The following ZNF281 variants were observed in gnomAD, a reference collection of about 807,000 sequenced individuals.
ZNF281 encodes zinc finger protein 281, also known as GC-box-binding zinc finger protein 1.
Under a neutral mutation model 58.8 loss-of-function variants are expected in ZNF281, and 2 were observed. The observed-to-expected ratio is 0.03, with a 90% CI of 0.01 to 0.11. ZNF281 has a LOEUF of 0.11. ZNF281 is among the 10% of genes least tolerant of loss of function. ZNF281 has a pLI of 1.00. For missense variants in ZNF281, 975 were observed against 1,090.7 expected (o/e 0.89, Z 1.49); for synonymous variants, 465 against 407.7 (o/e 1.14, Z -1.69).
rs966890720 is a variant in ZNF281 at position 200,408,057 on chromosome 1, T to C, written c.1649A>G (p.Asn550Ser). 1 of 1,614,220 alleles carries C rather than the reference T, an allele frequency of 6.2e-7. No individual in the cohort carries two copies. The highest frequency in any genetic ancestry group is 2.2e-5 in the East Asian group (1 of 44,888). ...KRRYLPTASSNSAFSINVGHM... is the reference protein window; with the variant it reads ...KRRYLPTASSSSAFSINVGHM... ...TCCTACGTTTATAGAAAAGGCACTG[T>C]TGCTGCTGGCAGTTGGTAAATATCT... Residue 550 changes from asparagine to serine, a missense_variant, in exon 2 of 2, where the codon AAC becomes AGC. Physicochemically the swap from Asn to Ser is conservative, Grantham distance 46 (BLOSUM62 1). Transcript: ENST00000367353.
In ZNF281 at chr1:200,409,995, C is replaced by A; in HGVS notation, c.-68G>T. On this transcript the variant is annotated 5_prime_UTR_variant, in exon 1 of 2. Coordinates refer to ENST00000367353, the MANE Select transcript of ZNF281 (RefSeq NM_001281293.2). ...CGTCGCCTCCAGTTAATAAAAATAA[C>A]GCCGTCCTCTCCACAATGGAATTAA... is the stretch of plus-strand genomic sequence containing the variant. 1.7e-6 allele frequency: 1 copy of A among 573,536 alleles called. No homozygotes were observed. The highest frequency in any genetic ancestry group is 3.1e-6 in the Non-Finnish European group (1 of 324,658). 35.5% of individuals were successfully genotyped at this position (573,536 alleles called of 1,614,324 possible). A position where few individuals can be genotyped will look rare whatever the true frequency, so the allele number is the denominator to read the frequency against.
In ZNF281 at chr1:200,406,491, T is replaced by C. The variant is rs1654453070; in HGVS notation, c.*527A>G. ...AAATGTCTTCGATCCCTTACTTAAATGACGAAATGTCTATCAGCCCAGATA... is the reference window on the plus strand; with the variant it reads ...AAATGTCTTCGATCCCTTACTTAAACGACGAAATGTCTATCAGCCCAGATA... On this transcript the variant is annotated 3_prime_UTR_variant, in exon 2 of 2. Transcript: ENST00000367353. The C allele has an allele frequency of 6.5e-6, 1 of 152,834 alleles. No individual in the cohort carries two copies. The highest frequency in any genetic ancestry group is 6.5e-5 in the Admixed American group (1 of 15,298). 9.5% of individuals were successfully genotyped at this position (152,834 alleles called of 1,614,324 possible).
chr1:200,408,842 A>G lies in ZNF281; in HGVS notation c.864T>C (p.Pro288=). Residue 288 remains proline (P), a synonymous_variant, in exon 2 of 2, where the codon CCT becomes CCC. Transcript: ENST00000367353. ...RHVLIHTGER[P]FQCSQCSMGF... Reference sequence around the variant, plus strand: ...CCATACTACACTGGCTGCACTGGAAAGGTCTTTCTCCTGTATGAATGAGGA... The same window carrying G: ...CCATACTACACTGGCTGCACTGGAAGGGTCTTTCTCCTGTATGAATGAGGA... 6.2e-7 allele frequency: 1 copy of G among 1,614,254 alleles called. No individual in the cohort carries two copies. Among genetic ancestry groups the G allele is most frequent in the Non-Finnish European group, 8.5e-7 (1 of 1,180,048 alleles).
rs1654509891 is a variant in ZNF281, at chr1:200,408,219, G to A, written c.1487C>T (p.Ser496Phe). The A allele has an allele frequency of 6.2e-7, 1 of 1,612,826 alleles. No homozygotes were observed. Among genetic ancestry groups the A allele is most frequent in the East Asian group, 2.2e-5 (1 of 44,884 alleles). Reference protein sequence around the residue: ...LPDIVGQKSLSGKPSGSLGIV... With the variant: ...LPDIVGQKSLFGKPSGSLGIV... ...GCCAAGTGAGCCACTTGGTTTTCCA[G>A]ACAAGGATTTCTGTCCTACTATGTC... The change falls in exon 2 of 2, where the codon TCT (serine) becomes TTT (phenylalanine). Residue 496 changes from serine to phenylalanine, a missense_variant. Around this residue, in one of 3 missense-constraint regions of ZNF281, gnomAD observed 579 missense variants for 608.9 expected, o/e 0.95. Coordinates refer to ENST00000367353, the MANE Select transcript of ZNF281 (RefSeq NM_001281293.2).
At chr1:200,409,833 A>ATC in intron 1 of ZNF281, 110 bp from the exon 2 acceptor site, 1 of 1,374,004 alleles carries the variant, frequency 7.3e-7, no homozygotes, top group South Asian at 1.5e-5. Flanking sequence ...CCCAGACCGC[A>ATC]ACGCGCCCAG....
Position 200,409,641 on chromosome 1 carries a change from G to A in ZNF281, c.65C>T (p.Ser22Phe). 4 of 1,546,506 alleles carry A rather than the reference G, an allele frequency of 2.6e-6. No individual in the cohort carries two copies. Among genetic ancestry groups the A allele is most frequent in the African/African-American group, 1.4e-5 (1 of 70,080 alleles). Residue 22 changes from serine (S) to phenylalanine (F), a missense_variant, in exon 2 of 2, where the codon TCC (serine) becomes TTC (phenylalanine). Physicochemically the swap from Ser to Phe is radical, Grantham distance 155. Transcript: ENST00000367353. ...GCCGCCGCCACTACCACCGCCGCCGGAGCCGCTACCACCGCTACTGCCGGT... is the reference window on the plus strand; with the variant it reads ...GCCGCCGCCACTACCACCGCCGCCGAAGCCGCTACCACCGCTACTGCCGGT... ...GGTGSSGGSG[S>F]GGGGSGGGGG...
At position 200,409,128 on chromosome 1, in the gene ZNF281, C is replaced by T; in HGVS notation, c.578G>A (p.Arg193His). ...HVQQQPAQHHRDVLLSSSSRT... is the reference protein window; with the variant it reads ...HVQQQPAQHHHDVLLSSSSRT... ...GCTACTGCTGCTGAGTAATACGTCA[C>T]GGTGGTGCTGGGCTGGTTGCTGCTG... Residue 193 changes from arginine (R) to histidine (H), a missense_variant, in exon 2 of 2, where the codon CGT (arginine) becomes CAT (histidine). Physicochemically the swap from Arg to His is conservative, Grantham distance 29. This residue lies in a region of ZNF281 where 370 missense variants were observed against 360.9 expected (regional missense o/e 1.03). Transcript: ENST00000367353. The T allele has an allele frequency of 6.2e-7, 1 of 1,614,188 alleles. No individual in the cohort carries two copies. Among genetic ancestry groups the T allele is most frequent in the East Asian group, 2.2e-5 (1 of 44,892 alleles).
At position 200,408,487 on chromosome 1, in the gene ZNF281, T is replaced by C. The variant is rs770509111; in HGVS notation, c.1219A>G (p.Lys407Glu). 4 of 1,614,224 alleles carry C rather than the reference T, an allele frequency of 2.5e-6. No homozygotes were observed. Among genetic ancestry groups the C allele is most frequent in the Non-Finnish European group, 3.4e-6 (4 of 1,180,050 alleles). The change falls in exon 2 of 2, where the codon AAG (lysine) becomes GAG (glutamate). Residue 407 changes from lysine to glutamate, a missense_variant. This residue lies in a region of ZNF281 where 579 missense variants were observed against 608.9 expected (regional missense o/e 0.95). Coordinates refer to ENST00000367353, the MANE Select transcript of ZNF281 (RefSeq NM_001281293.2). ...TTTTCAATAGCTATGCTTTTTGACTTTGTTTTTCTCCTTGAAGAACTTGTA... is the reference window on the plus strand; with the variant it reads ...TTTTCAATAGCTATGCTTTTTGACTCTGTTTTTCTCCTTGAAGAACTTGTA... Reference protein sequence around the residue: ...GNTSSSRRKTKSKSIAIENKE... With the variant: ...GNTSSSRRKTESKSIAIENKE...
At position 200,408,327 on chromosome 1, in the gene ZNF281, T is replaced by C. The variant is rs1208199106; in HGVS notation, c.1379A>G (p.Lys460Arg). ...CTTAAAGATCAATTTTGGCACCCTCTTCTGCAGTTCATCTATTCCAGTGCC... is the reference window on the plus strand; with the variant it reads ...CTTAAAGATCAATTTTGGCACCCTCCTCTGCAGTTCATCTATTCCAGTGCC... ...IIGTGIDELQ[K>R]RVPKLIFKKG... The change falls in exon 2 of 2, where the codon AAG becomes AGG. Residue 460 changes from lysine (K) to arginine (R), a missense_variant. Lys to Arg is a conservative substitution (Grantham distance 26). Transcript: ENST00000367353. 1.2e-6 allele frequency: 2 copies of C among 1,613,266 alleles called. No homozygotes were observed. Among genetic ancestry groups the C allele is most frequent in the Middle Eastern group, 1.6e-4 (1 of 6,084 alleles).
rs370827549 is a variant in ZNF281 at position 200,409,359 on chromosome 1, G to A, written c.347C>T (p.Thr116Ile). 1.3e-6 allele frequency: 2 copies of A among 1,545,888 alleles called. No individual in the cohort carries two copies. The highest frequency in any genetic ancestry group is 1.7e-6 in the Non-Finnish European group (2 of 1,143,996). Residue 116 changes from threonine (T) to isoleucine (I), a missense_variant, in exon 2 of 2, where the codon ACC (threonine) becomes ATC (isoleucine). Physicochemically the swap from Thr to Ile is moderately conservative, Grantham distance 89. Coordinates refer to ENST00000367353, the MANE Select transcript of ZNF281 (RefSeq NM_001281293.2). Reference sequence around the variant, plus strand: ...CAAAGACTGCAAGAACCCCCAGGAGGTCCTCTGCGAGGGGAAGGCCGCGGC... The same window carrying A: ...CAAAGACTGCAAGAACCCCCAGGAGATCCTCTGCGAGGGGAAGGCCGCGGC... ...ASAAAFPSQR[T>I]SWGFLQSLVS...
rs1355040120 is a variant in ZNF281, at chr1:200,409,379, C to T, written c.327G>A (p.Ala109=). The T allele has an allele frequency of 6.6e-7, 1 of 1,525,482 alleles. No homozygotes were observed. Among genetic ancestry groups the T allele is most frequent in the Non-Finnish European group, 8.8e-7 (1 of 1,135,718 alleles). 94.5% of individuals were successfully genotyped at this position (1,525,482 alleles called of 1,614,324 possible). A position where few individuals can be genotyped will look rare whatever the true frequency, so the allele number is the denominator to read the frequency against. Residue 109 remains alanine, a synonymous_variant, in exon 2 of 2, where the codon GCG becomes GCA. Coordinates refer to ENST00000367353, the MANE Select transcript of ZNF281 (RefSeq NM_001281293.2). Reference sequence around the variant, plus strand: ...AGGAGGTCCTCTGCGAGGGGAAGGCCGCGGCTGACGCCGCCGGCTCCTTCT... The same window carrying T: ...AGGAGGTCCTCTGCGAGGGGAAGGCTGCGGCTGACGCCGCCGGCTCCTTCT... The part of the protein sequence containing the change: ...TFKKEPAASA[A]AFPSQRTSWG...
Position 200,409,726 on chromosome 1 carries a change from G to A in ZNF281, c.-18-3C>T, listed in dbSNP as rs1471854470. 1.3e-6 allele frequency: 2 copies of A among 1,593,076 alleles called. No homozygotes were observed. The highest frequency in any genetic ancestry group is 8.5e-7 in the Non-Finnish European group (1 of 1,172,498). ...TTCATACCCCGGAGGAGGCCTGGCT[G>A]AAGAAAGGAGGAGGAAGAGGGAAGA... On this transcript the variant is annotated splice_polypyrimidine_tract_variant and splice_region_variant and intron_variant, in intron 1 of 1. Transcript: ENST00000367353.
Position 200,406,995 on chromosome 1 carries a change from C to G in ZNF281, c.*23G>C. The G allele has an allele frequency of 6.3e-7, 1 of 1,582,208 alleles. No individual in the cohort carries two copies. The highest frequency in any genetic ancestry group is 8.6e-7 in the Non-Finnish European group (1 of 1,166,284). On this transcript the variant is annotated 3_prime_UTR_variant, in exon 2 of 2. Coordinates refer to ENST00000367353, the MANE Select transcript of ZNF281 (RefSeq NM_001281293.2). ...AAAACAAAATTACATTAGAAGACCT[C>G]CAGCCTGGCCACTTTTGGGACCTTA...
chr1:200,409,821 C>T, intron 1 of ZNF281, 98 bp from the exon 2 acceptor site: 1 of 1,420,594 alleles, frequency 7.0e-7, no homozygotes, highest in Non-Finnish European at 9.3e-7. Flanking sequence ...GCCGCGCCGC[C>T]GCCCAGACCG....
In ZNF281 at chr1:200,409,262, G is replaced by A. The variant is rs1558005955; in HGVS notation, c.444C>T (p.His148=). The change falls in exon 2 of 2, where the codon CAC becomes CAT. Residue 148 remains histidine (H), a synonymous_variant. Coordinates refer to ENST00000367353, the MANE Select transcript of ZNF281 (RefSeq NM_001281293.2). ...CAGCTCCAGCGAACAGCCCCCCATAGTGGTGGTGGTGATGGTGGTGGTGGG... is the reference window on the plus strand; with the variant it reads ...CAGCTCCAGCGAACAGCCCCCCATAATGGTGGTGGTGATGGTGGTGGTGGG... ...QQSHHHHHHH[H]YGGLFAGAEE... is the part of the protein sequence containing the mutation. The A allele has an allele frequency of 1.9e-6, 3 of 1,613,706 alleles. No individual in the cohort carries two copies. The highest frequency in any genetic ancestry group is 4.5e-5 in the East Asian group (2 of 44,874).
Position 200,409,692 on chromosome 1 carries a change from C to A in ZNF281, c.14G>T (p.Ser5Ile). Residue 5 changes from serine to isoleucine, a missense_variant, in exon 2 of 2, where the codon AGT becomes ATT. This residue lies in a region of ZNF281 where 370 missense variants were observed against 360.9 expected (regional missense o/e 1.03). Coordinates refer to ENST00000367353, the MANE Select transcript of ZNF281 (RefSeq NM_001281293.2). MKIG[S>I]GFLSGGGGTG... ...ACCTCCGCCGCCACTCAGGAACCCA[C>A]TGCCGATTTTCATACCCCGGAGGAG... 1 of 1,587,012 alleles carries A rather than the reference C, an allele frequency of 6.3e-7. No homozygotes were observed. The highest frequency in any genetic ancestry group is 2.3e-5 in the East Asian group (1 of 42,912).
At position 200,408,479 on chromosome 1, in the gene ZNF281, TTTTGAC is replaced by T. The variant is rs1654518962; in HGVS notation, c.1221_1226del (p.Lys409_Ser410del). 2 of 1,614,056 alleles carry T rather than the reference TTTTGAC, an allele frequency of 1.2e-6. No individual in the cohort carries two copies. The highest frequency in any genetic ancestry group is 1.3e-5 in the African/African-American group (1 of 74,924). On this transcript the variant is annotated inframe_deletion, in exon 2 of 2. Transcript: ENST00000367353. ...GTTCCTTATTTTCAATAGCTATGCT[TTTTGAC>T]TTTGTTTTTCTCCTTGAAGAACTTG...
In ZNF281 at chr1:200,408,129, T is replaced by C. The variant is rs1654503587; in HGVS notation, c.1577A>G (p.Gln526Arg). The stretch of plus-strand genomic sequence containing the variant: ...GGCATCATCATAATTACTACTTATC[T>C]GACCTTGTTTGCCACTTGTACTTTG... ...LLQSTSGKQG[Q>R]ISSNYDDAMQ... is the part of the protein sequence containing the mutation. The change falls in exon 2 of 2, where the codon CAG becomes CGG. Residue 526 changes from glutamine to arginine, a missense_variant. By Grantham distance (43) the Gln-to-Arg change is conservative. This residue lies in a region of ZNF281 where 579 missense variants were observed against 608.9 expected (regional missense o/e 0.95). Transcript: ENST00000367353. The C allele has an allele frequency of 6.2e-7, 1 of 1,614,218 alleles. No individual in the cohort carries two copies. Among genetic ancestry groups the C allele is most frequent in the Non-Finnish European group, 8.5e-7 (1 of 1,180,046 alleles).
At position 200,409,607 on chromosome 1, in the gene ZNF281, G is replaced by GCCGCCGCCGCCGCCGCCACTA; in HGVS notation, c.78_98dup (p.Ser27_Gly33dup). 1.3e-6 allele frequency: 2 copies of GCCGCCGCCGCCGCCGCCACTA among 1,547,140 alleles called. No individual in the cohort carries two copies. Among genetic ancestry groups the GCCGCCGCCGCCGCCGCCACTA allele is most frequent in the Admixed American group, 2.0e-5 (1 of 50,970 alleles). On this transcript the variant is annotated inframe_insertion, in exon 2 of 2. Coordinates refer to ENST00000367353, the MANE Select transcript of ZNF281 (RefSeq NM_001281293.2). ...TCTCTGCCCTCCTGCCGCTGCTGCC[G>GCCGCCGCCGCCGCCGCCACTA]CCGCCGCCGCCGCCGCCACTACCAC...
Sources: gnomAD v4.1 joint callset for allele counts on GRCh38, gnomAD v4.1.1 for gene constraint, gnomAD v4.1.1 regional missense constraint, MANE v1.5 for transcripts, NCBI Gene and HGNC (gene_info 2026-07-23, HGNC 2026-07-21) for gene names.